Variants in SLC36A1 observed in about 807,000 individuals in gnomAD.
SLC36A1 encodes solute carrier family 36 member 1.
In SLC36A1, 30 loss-of-function variants were observed where a neutral mutation model predicts 47.5. The ratio of observed to expected loss-of-function variants is 0.63; its 90% CI spans 0.47 to 0.86. SLC36A1 has a LOEUF of 0.86. SLC36A1 is among the 40% of genes least tolerant of loss of function. The probability of loss-of-function intolerance (pLI) is 0.00; values close to 1 mark genes in which losing one functional copy is unlikely to be tolerated. For missense variants in SLC36A1, 517 were observed against 606.0 expected (o/e 0.85, Z 1.54); for synonymous variants, 255 against 249.7 (o/e 1.02, Z -0.20).
intron 9 of SLC36A1, 43 bp from the exon 10 acceptor site, chr5:151,479,277 G>A: frequency 1.2e-6 from 2 of 1,601,456 alleles, no homozygotes; most frequent in Non-Finnish European, 1.7e-6. Flanking sequence ...TGATGTATAA[G>A]TGTGCTGAGC....
chr5:151,440,638 C>A (rs866032469), intron 1 of SLC36A1, among the ~76,000 whole-genome samples: 1 of 151,968 alleles, frequency 6.6e-6, no homozygotes, highest in Non-Finnish European at 1.5e-5. Context: ...ATTAATTTCC[C>A]TAATATCTCT....
At chr5:151,547,537 G>C in the SLC36A1 span, among the ~76,000 whole-genome samples, 1 of 152,186 alleles carries the variant, frequency 6.6e-6, no homozygotes, top group Non-Finnish European at 1.5e-5. Context: ...TCAGTGGCAA[G>C]GCAAATGGCT....
the SLC36A1 span, chr5:151,382,178 A>G: frequency 9.4e-7 from 1 of 1,062,118 alleles, no homozygotes; most frequent in Non-Finnish European, 1.5e-6. Flanking sequence ...TGTGCATGGC[A>G]CTGAATGAGC....
chr5:151,499,739 T>C, the SLC36A1 span, among the ~76,000 whole-genome samples: 61 of 152,270 alleles, frequency 4.0e-4, no homozygotes, highest in African/African-American at 1.3e-3. Flanking sequence ...ACAACAACTG[T>C]GCAAGCCCTC....
chr5:151,438,826 A>AT (rs1759932963), intron 1 of SLC36A1, among the ~76,000 whole-genome samples: 1 of 152,034 alleles, frequency 6.6e-6, no homozygotes, highest in Non-Finnish European at 1.5e-5. Flanking sequence ...TACTTGCAAC[A>AT]TTTTTTTCTG....
the SLC36A1 span, among the ~76,000 whole-genome samples, chr5:151,518,751 G>A: frequency 6.6e-6 from 1 of 152,212 alleles, no homozygotes; most frequent in Non-Finnish European, 1.5e-5. Context: ...AGTTTCTTAA[G>A]CATCTTTGAC....
At chr5:151,463,043 T>G (rs532192161) in intron 2 of SLC36A1, among the ~76,000 whole-genome samples, 1 of 152,232 alleles carries the variant, frequency 6.6e-6, no homozygotes, top group African/African-American at 2.4e-5. Context: ...GCCTGGCTAA[T>G]TTCTGTATTT....
the SLC36A1 span, among the ~76,000 whole-genome samples, chr5:151,345,244 A>G: frequency 5.3e-5 from 8 of 152,184 alleles, no homozygotes; most frequent in Admixed American, 5.2e-4. Context: ...CCCCATGAGA[A>G]CCTTCTGGTT....
At chr5:151,391,004 G>A in the SLC36A1 span, among the ~76,000 whole-genome samples, 2,427 of 151,926 alleles carry the variant, frequency 0.016, 48 homozygotes, top group African/African-American at 0.055. Context: ...TGGGCAGTAT[G>A]GCCATTTTCA....
the SLC36A1 span, among the ~76,000 whole-genome samples, chr5:151,408,169 G>GT: frequency 3.9e-4 from 60 of 151,978 alleles, no homozygotes; most frequent in African/African-American, 1.2e-3. Context: ...TCAAGTCAGT[G>GT]TTTTTTTTGT....
the SLC36A1 span, chr5:151,506,211 T>C: frequency 8.9e-7 from 1 of 1,127,678 alleles, no homozygotes; most frequent in Admixed American, 2.9e-5. Context: ...TGGGTGGGCA[T>C]AGGCCCATCT....
At chr5:151,487,767 G>A (rs559339393) in intron 10 of SLC36A1, among the ~76,000 whole-genome samples, 4 of 152,298 alleles carry the variant, frequency 2.6e-5, no homozygotes, top group East Asian at 1.9e-4. Flanking sequence ...CAGAAGATCC[G>A]GGTTCCGGTC....
chr5:151,525,282 C>T, the SLC36A1 span, among the ~76,000 whole-genome samples: 1 of 152,116 alleles, frequency 6.6e-6, no homozygotes, highest in African/African-American at 2.4e-5. Context: ...CCTATGAAAC[C>T]CATAACACCA....
At chr5:151,368,631 G>A in the SLC36A1 span, among the ~76,000 whole-genome samples, 1 of 152,268 alleles carries the variant, frequency 6.6e-6, no homozygotes, top group South Asian at 2.1e-4. Context: ...TGAGGTTCAG[G>A]CCTTTTTTTG....
chr5:151,365,786 G>C, the SLC36A1 span, among the ~76,000 whole-genome samples: 2 of 152,188 alleles, frequency 1.3e-5, no homozygotes, highest in African/African-American at 4.8e-5. Context: ...AAATGGAGAA[G>C]ACATCATCTA....
intron 1 of SLC36A1, among the ~76,000 whole-genome samples, chr5:151,456,497 G>A (rs536319455): frequency 3.3e-4 from 51 of 152,322 alleles, no homozygotes; most frequent in African/African-American, 1.2e-3. Context: ...TGATTTACGA[G>A]CTTATACCTG....
chr5:151,555,289 T>G, the SLC36A1 span, among the ~76,000 whole-genome samples: 3 of 152,310 alleles, frequency 2.0e-5, no homozygotes, highest in East Asian at 5.8e-4. Context: ...AAATATCTGT[T>G]ACTGAACTGT....
chr5:151,500,706 G>A, the SLC36A1 span, among the ~76,000 whole-genome samples: 8 of 152,142 alleles, frequency 5.3e-5, no homozygotes, highest in Admixed American at 6.5e-5. Context: ...GAGATAAGAC[G>A]CTGAGTGCTT....
chr5:151,543,387 G>A, the SLC36A1 span: 19 of 1,614,162 alleles, frequency 1.2e-5, no homozygotes, highest in Admixed American at 3.2e-4. Flanking sequence ...GTGGGGGGTT[G>A]TCATTTTCAT....
Sources: gnomAD v4.1 joint callset for allele counts (sites outside exome capture counted in the v4.1 genomes callset) on GRCh38, gnomAD v4.1.1 for gene constraint, MANE v1.5 for transcripts, NCBI Gene and HGNC (gene_info 2026-07-23, HGNC 2026-07-21) for gene names.